UNC13C: variants seen among roughly 807,000 people sequenced by gnomAD.
The protein encoded by UNC13C is unc-13 homolog C.
Under a neutral mutation model 245.4 loss-of-function variants are expected in UNC13C, and 174 were observed. The observed-to-expected ratio is 0.71, with a 90% CI of 0.63 to 0.80. UNC13C has a LOEUF of 0.80. Among genes scored for constraint, UNC13C ranks in the 30% least tolerant of loss-of-function variants. The pLI, the probability that UNC13C is intolerant of heterozygous loss-of-function variation, is 0.00. For missense variants in UNC13C, 2,829 were observed against 2,602.9 expected (o/e 1.09, Z -1.89); for synonymous variants, 992 against 895.1 (o/e 1.11, Z -1.93).
chr15:53,899,097 A>G, the UNC13C span, among the ~76,000 whole-genome samples: 3 of 152,316 alleles, frequency 2.0e-5, no homozygotes, highest in East Asian at 5.8e-4. Flanking sequence ...TTAATGTCAC[A>G]TCTCAGAGAA....
At chr15:54,458,254 T>C (rs1294594328) in intron 19 of UNC13C, among the ~76,000 whole-genome samples, 2 of 152,062 alleles carry the variant, frequency 1.3e-5, no homozygotes, top group African/African-American at 4.8e-5. Flanking sequence ...GAAAGTACTA[T>C]ATATACTTTT....
chr15:53,915,755 G>T, the UNC13C span, among the ~76,000 whole-genome samples: 1 of 152,196 alleles, frequency 6.6e-6, no homozygotes, highest in Non-Finnish European at 1.5e-5. Flanking sequence ...AACCAAAGTT[G>T]TTGCATTGTA....
At chr15:53,902,743 T>G in the UNC13C span, among the ~76,000 whole-genome samples, 2 of 152,144 alleles carry the variant, frequency 1.3e-5, no homozygotes, top group Admixed American at 6.6e-5. Flanking sequence ...AACAGATTGG[T>G]AAGGGGTCTT....
intron 25 of UNC13C, among the ~76,000 whole-genome samples, chr15:54,532,239 T>C (rs376554953): frequency 1.3e-5 from 2 of 152,142 alleles, no homozygotes; most frequent in East Asian, 3.9e-4. Flanking sequence ...TGCGTTCTCA[T>C]CATTTAGCTC....
At chr15:54,538,133 C>CAAAAAAAAAAAAAAAA (rs56041311) in intron 26 of UNC13C, among the ~76,000 whole-genome samples, 4 of 10,248 alleles carry the variant, frequency 3.9e-4, no homozygotes, top group Non-Finnish European at 7.3e-4. Context: ...CATTAACAAG[C>CAAAAAAAAAAAAAAAA]AAAAAAAAAA....
chr15:54,251,437 G>A (rs74013556), intron 8 of UNC13C, among the ~76,000 whole-genome samples: 3,856 of 152,284 alleles, frequency 0.025, 158 homozygotes, highest in African/African-American at 0.088. Flanking sequence ...GCACACGGTA[G>A]ATGCTCCATA....
At chr15:53,969,251 T>C in the UNC13C span, among the ~76,000 whole-genome samples, 1 of 152,044 alleles carries the variant, frequency 6.6e-6, no homozygotes, top group Non-Finnish European at 1.5e-5. Flanking sequence ...GGGAGAGTAT[T>C]TGAGAAAGAT....
chr15:54,019,183 A>G (rs962327197), intron 2 of UNC13C, among the ~76,000 whole-genome samples: 3 of 152,188 alleles, frequency 2.0e-5, no homozygotes, highest in Non-Finnish European at 2.9e-5. Context: ...ACCTAGCTTA[A>G]TGTCATTCAG....
intron 7 of UNC13C, among the ~76,000 whole-genome samples, chr15:54,242,547 G>C (rs2035881689): frequency 6.6e-6 from 1 of 151,718 alleles, no homozygotes; most frequent in South Asian, 2.1e-4. Context: ...AAATTTCTCT[G>C]GCTTTGCTTT....
intron 4 of UNC13C, among the ~76,000 whole-genome samples, chr15:54,175,848 A>T (rs140951040): frequency 2.1e-4 from 32 of 152,278 alleles, no homozygotes; most frequent in African/African-American, 7.5e-4. Flanking sequence ...CACACTGCAT[A>T]TTTATAAGCA....
chr15:54,405,933 CTG>C (rs1282899267), intron 18 of UNC13C, among the ~76,000 whole-genome samples: 2 of 151,908 alleles, frequency 1.3e-5, no homozygotes, highest in African/African-American at 2.4e-5. Flanking sequence ...ATTGAGAAGA[CTG>C]TGTAAATGTA....
chr15:53,886,188 G>A, the UNC13C span, among the ~76,000 whole-genome samples: 229 of 152,228 alleles, frequency 1.5e-3, no homozygotes, highest in African/African-American at 4.6e-3. Context: ...CAAGCATACC[G>A]AACACCCAAT....
At chr15:54,144,917 A>G (rs181590470) in intron 4 of UNC13C, among the ~76,000 whole-genome samples, 2 of 152,040 alleles carry the variant, frequency 1.3e-5, no homozygotes, top group Admixed American at 1.3e-4. Flanking sequence ...ATATGAATAT[A>G]GAGAGATATC....
chr15:54,006,871 A>C lies in UNC13C; in HGVS notation c.-256-5777A>C, dbSNP rs1470954532. On this transcript the variant is annotated intron_variant, in intron 1 of 32. Coordinates refer to ENST00000260323, the MANE Select transcript of UNC13C (RefSeq NM_001080534.3). Reference sequence around the variant, plus strand: ...CTGTGTTTGGAGGAGCCTGCTTATAAAGTTACTTGGTCGGTGTGCTGCTCA... The same window carrying C: ...CTGTGTTTGGAGGAGCCTGCTTATACAGTTACTTGGTCGGTGTGCTGCTCA... 2.0e-5 allele frequency among the ~76,000 whole-genome samples: 3 copies of C among 151,986 alleles called. No homozygotes were observed. The East Asian group carries it at 5.8e-4, about 29-fold the overall frequency.
rs529673067 is a variant in UNC13C at position 54,209,917 on chromosome 15, T to C, written c.3072-25113T>C. Reference sequence around the variant, plus strand: ...TGAGATAATACAGGCAAAAAGTATCTGGTAGATGTTAACATATTTTATTTA... The same window carrying C: ...TGAGATAATACAGGCAAAAAGTATCCGGTAGATGTTAACATATTTTATTTA... On this transcript the variant is annotated intron_variant, in intron 4 of 32. Transcript: ENST00000260323. Among the ~76,000 whole-genome samples the C allele has an allele frequency of 2.0e-5, 3 of 152,210 alleles. No individual in the cohort carries two copies. In the East Asian group the frequency reaches 5.8e-4, roughly 29 times the overall value.
At chr15:53,898,060 T>C in the UNC13C span, among the ~76,000 whole-genome samples, 1 of 152,208 alleles carries the variant, frequency 6.6e-6, no homozygotes, top group Non-Finnish European at 1.5e-5. Flanking sequence ...TGTTCTCTTA[T>C]TGGGCTAACT....
chr15:53,917,282 T>A, the UNC13C span, among the ~76,000 whole-genome samples: 1 of 152,316 alleles, frequency 6.6e-6, no homozygotes, highest in Non-Finnish European at 1.5e-5. Context: ...TGGGTGCAGC[T>A]GAAACCTGCA....
At chr15:54,554,530 A>C (rs1401719821) in intron 28 of UNC13C, among the ~76,000 whole-genome samples, 2 of 152,020 alleles carry the variant, frequency 1.3e-5, no homozygotes, top group East Asian at 3.9e-4. Flanking sequence ...CCCACGTGGG[A>C]CTTTTCTTCT....
At chr15:54,019,986 A>G (rs12911955) in intron 2 of UNC13C, among the ~76,000 whole-genome samples, 12,993 of 152,238 alleles carry the variant, frequency 0.085, 710 homozygotes, top group Admixed American at 0.13. Flanking sequence ...CCTTTAATAA[A>G]ACAACAGCAA....
Sources: gnomAD v4.1 joint callset for allele counts (sites outside exome capture counted in the v4.1 genomes callset) on GRCh38, gnomAD v4.1.1 for gene constraint, MANE v1.5 for transcripts, NCBI Gene and HGNC (gene_info 2026-07-23, HGNC 2026-07-21) for gene names.